NUBPL: variants seen among roughly 807,000 people sequenced by gnomAD.
The protein encoded by NUBPL is iron-sulfur cluster transfer protein NUBPL.
In NUBPL, 31 loss-of-function variants were observed where a neutral mutation model predicts 45.7. The observed-to-expected ratio is 0.68, with a 90% CI of 0.51 to 0.92. The LOEUF (loss-of-function observed/expected upper bound fraction) is 0.92, where lower values mean the gene tolerates loss of function less well. NUBPL is among the 40% of genes least tolerant of loss of function. The pLI, the probability that NUBPL is intolerant of heterozygous loss-of-function variation, is 0.00. For synonymous variants in NUBPL, 144 were observed against 140.9 expected (o/e 1.02, Z -0.15); for missense variants, 401 against 398.7 (o/e 1.01, Z -0.05).
chr14:31,590,745 C>T (rs906941013), intron 3 of NUBPL, among the ~76,000 whole-genome samples: 1 of 152,170 alleles, frequency 6.6e-6, no homozygotes, highest in Non-Finnish European at 1.5e-5. Flanking sequence ...TCACAGATAA[C>T]TATGATTTTT....
At chr14:31,574,582 C>CTTTTTTT (rs71115022) in intron 3 of NUBPL, among the ~76,000 whole-genome samples, 2 of 66,906 alleles carry the variant, frequency 3.0e-5, no homozygotes, top group African/African-American at 6.3e-5. Flanking sequence ...TTCTTTCCTT[C>CTTTTTTT]TTTTTTTTTT....
intron 10 of NUBPL, among the ~76,000 whole-genome samples, chr14:31,855,340 G>C (rs771955814): frequency 2.6e-5 from 4 of 152,174 alleles, no homozygotes; most frequent in Admixed American, 6.5e-5. Flanking sequence ...CAGCAGAGAA[G>C]AACCCATTTT....
chr14:31,668,875 C>T (rs1306432036), intron 4 of NUBPL, among the ~76,000 whole-genome samples: 1 of 152,180 alleles, frequency 6.6e-6, no homozygotes, highest in Non-Finnish European at 1.5e-5. Context: ...TGCCCTTTCC[C>T]TCTAACCAGT....
chr14:31,812,983 C>CTTT (rs33986436), intron 7 of NUBPL, among the ~76,000 whole-genome samples: 2 of 105,102 alleles, frequency 1.9e-5, no homozygotes, highest in Non-Finnish European at 3.9e-5. Flanking sequence ...CTTGTTAGTT[C>CTTT]TTTTTTTTTT....
At chr14:31,650,297 T>G (rs921699458) in intron 4 of NUBPL, among the ~76,000 whole-genome samples, 1 of 148,498 alleles carries the variant, frequency 6.7e-6, no homozygotes, top group South Asian at 2.1e-4. Flanking sequence ...CTTTTTTTTT[T>G]TTTTTTTTTT....
At chr14:31,657,505 AC>A (rs2139759700) in intron 4 of NUBPL, among the ~76,000 whole-genome samples, 1 of 152,254 alleles carries the variant, frequency 6.6e-6, no homozygotes, top group East Asian at 1.9e-4. Context: ...CTTTGGCTGT[AC>A]CTCTATTTAT....
At chr14:31,675,964 G>A (rs151161148) in intron 6 of NUBPL, among the ~76,000 whole-genome samples, 9,689 of 151,758 alleles carry the variant, frequency 0.064, 408 homozygotes, top group Non-Finnish European at 0.091. Flanking sequence ...TGTGATTTCT[G>A]TCACCGTAGT....
chr14:31,811,096 T>C (rs984589217), intron 7 of NUBPL, among the ~76,000 whole-genome samples: 56 of 152,160 alleles, frequency 3.7e-4, no homozygotes, highest in African/African-American at 1.2e-3. Context: ...ATTATATGTC[T>C]TGGGGTTGCT....
At chr14:31,780,179 C>T (rs2039167078) in intron 6 of NUBPL, among the ~76,000 whole-genome samples, 1 of 151,924 alleles carries the variant, frequency 6.6e-6, no homozygotes, top group Non-Finnish European at 1.5e-5. Flanking sequence ...TCTCCTGCCT[C>T]AGTCTCCAGA....
intron 7 of NUBPL, among the ~76,000 whole-genome samples, chr14:31,822,247 A>G (rs895686542): frequency 2.0e-5 from 3 of 152,156 alleles, no homozygotes; most frequent in African/African-American, 4.8e-5. Flanking sequence ...CCCATTTTAC[A>G]TGATGTGGTT....
At chr14:31,569,533 G>A (rs1170608173) in intron 3 of NUBPL, among the ~76,000 whole-genome samples, 1 of 152,148 alleles carries the variant, frequency 6.6e-6, no homozygotes, top group Non-Finnish European at 1.5e-5. Flanking sequence ...GGAATAGGGT[G>A]TAGATTTTTC....
At chr14:31,648,344 A>G (rs2035910895) in intron 4 of NUBPL, among the ~76,000 whole-genome samples, 1 of 152,360 alleles carries the variant, frequency 6.6e-6, no homozygotes, top group South Asian at 2.1e-4. Context: ...TACCATAAGA[A>G]GGAAATTCAC....
chr14:31,742,698 G>T (rs1183510047), intron 6 of NUBPL, among the ~76,000 whole-genome samples: 1 of 152,044 alleles, frequency 6.6e-6, no homozygotes, highest in Non-Finnish European at 1.5e-5. Flanking sequence ...CCACTTCCTG[G>T]GTTCAAGTGA....
chr14:31,565,132 T>C, intron 3 of NUBPL, 84 bp downstream of exon 3: 1 of 799,980 alleles, frequency 1.3e-6, no homozygotes, highest in Non-Finnish European at 2.1e-6. Context: ...TTTTATTTAC[T>C]CTGTCAGAAG....
chr14:31,746,287 T>A (rs2038398406), intron 6 of NUBPL, among the ~76,000 whole-genome samples: 1 of 152,054 alleles, frequency 6.6e-6, no homozygotes, highest in Non-Finnish European at 1.5e-5. Flanking sequence ...GGAAAAGATT[T>A]CAACTTTTCC....
chr14:31,619,842 T>C (rs2035012210), intron 4 of NUBPL, among the ~76,000 whole-genome samples: 1 of 152,142 alleles, frequency 6.6e-6, no homozygotes, highest in Admixed American at 6.5e-5. Context: ...CCTTGCTCGG[T>C]TGGGGGAGTT....
At chr14:31,799,257 A>T (rs1038049408) in intron 7 of NUBPL, among the ~76,000 whole-genome samples, 3 of 152,176 alleles carry the variant, frequency 2.0e-5, no homozygotes, top group African/African-American at 4.8e-5. Flanking sequence ...CCTTTTTTAT[A>T]GTGTACATGT....
intron 6 of NUBPL, among the ~76,000 whole-genome samples, chr14:31,683,092 G>A (rs2036870279): frequency 6.7e-6 from 1 of 149,684 alleles, no homozygotes; most frequent in African/African-American, 2.5e-5. Context: ...TTTAAGGATG[G>A]CACCAAGCTG....
At chr14:31,596,302 T>C (rs2034281752) in intron 3 of NUBPL, among the ~76,000 whole-genome samples, 1 of 152,212 alleles carries the variant, frequency 6.6e-6, no homozygotes, top group South Asian at 2.1e-4. Flanking sequence ...ATTTTTAAAA[T>C]CTAGCCAATT....
Sources: gnomAD v4.1 joint callset for allele counts (sites outside exome capture counted in the v4.1 genomes callset) on GRCh38, gnomAD v4.1.1 for gene constraint, MANE v1.5 for transcripts, NCBI Gene and HGNC (gene_info 2026-07-23, HGNC 2026-07-21) for gene names.